The following NOC2L variants were observed in gnomAD, a reference collection of about 807,000 sequenced individuals.
The protein encoded by NOC2L is nucleolar complex protein 2 homolog.
In NOC2L, 101 loss-of-function variants were observed where a neutral mutation model predicts 94.2. That is an observed-to-expected ratio of 1.07 (90% CI 0.91 to 1.26). NOC2L has a LOEUF of 1.26. NOC2L is among the 50% of genes most tolerant of loss of function. NOC2L has a pLI of 0.00. For synonymous variants in NOC2L, 531 were observed against 413.4 expected (o/e 1.28, Z -3.45); for missense variants, 1,076 against 980.1 (o/e 1.10, Z -1.31).
intron 2 of NOC2L, chr1:958,543 C>G: frequency 2.5e-6 from 1 of 407,892 alleles, no homozygotes; most frequent in South Asian, 1.9e-5. Flanking sequence ...AGCCACCGAG[C>G]ACAGCCTCCG....
chr1:950,743 T>G (rs1642237649), intron 12 of NOC2L, among the ~76,000 whole-genome samples: 1 of 152,038 alleles, frequency 6.6e-6, no homozygotes, highest in South Asian at 2.1e-4. Flanking sequence ...CCCACCCAGA[T>G]GTACACACAT....
Position 944,330 on chromosome 1 carries a change from C to CAG in NOC2L, c.*362_*363dup. On this transcript the variant is annotated 3_prime_UTR_variant, in exon 19 of 19. Coordinates refer to ENST00000327044, the MANE Select transcript of NOC2L (RefSeq NM_015658.4). ...TTTCAAAGACTTGGGGGAGTGAAGG[C>CAG]AGAGCCTGGTGCAGATGGACGAGGT... The CAG allele has an allele frequency of 7.2e-7, 1 of 1,382,854 alleles. No homozygotes were observed. Among genetic ancestry groups the CAG allele is most frequent in the Non-Finnish European group, 9.3e-7 (1 of 1,075,644 alleles). The allele number at this position is 1,382,854 out of a possible 1,614,324, so 85.7% of individuals were successfully genotyped here. A position where few individuals can be genotyped will look rare whatever the true frequency, so the allele number is the denominator to read the frequency against.
At chr1:950,323 A>G (rs1642220822) in intron 12 of NOC2L, among the ~76,000 whole-genome samples, 1 of 152,008 alleles carries the variant, frequency 6.6e-6, no homozygotes, top group South Asian at 2.1e-4. Context: ...GCAGACACAC[A>G]TGCATGCACA....
chr1:945,780 A>G (rs1642090434), intron 16 of NOC2L, 127 bp from the exon 17 acceptor site: 1 of 1,187,514 alleles, frequency 8.4e-7, no homozygotes, highest in Admixed American at 2.0e-5. Flanking sequence ...CTCTGTTCCC[A>G]AATCACAAAG....
At chr1:951,929 C>T (rs1642270537) in intron 11 of NOC2L, 71 bp downstream of exon 11, 2 of 1,535,500 alleles carry the variant, frequency 1.3e-6, no homozygotes, top group South Asian at 1.3e-5. Flanking sequence ...GCCAGAGGCA[C>T]CGCCCACACA....
chr1:951,240 TG>T lies in NOC2L; in HGVS notation c.1332-3del. ...TAGAAGCGGGCAGTGGGGATGAGCC[TG>T]GGGGTGGGAAGGCCGAGTGAGCAGA... On this transcript the variant is annotated splice_polypyrimidine_tract_variant and splice_region_variant and intron_variant, in intron 11 of 18. Transcript: ENST00000327044. 6.4e-7 allele frequency: 1 copy of T among 1,574,306 alleles called. No homozygotes were observed. Among genetic ancestry groups the T allele is most frequent in the East Asian group, 2.3e-5 (1 of 42,848 alleles).
chr1:944,842 G>T, intron 18 of NOC2L, 42 bp from the exon 19 acceptor site: 1 of 1,422,166 alleles, frequency 7.0e-7, no homozygotes. Context: ...TGCTTTATCA[G>T]GAAGAAGCCA....
intron 12 of NOC2L, among the ~76,000 whole-genome samples, chr1:949,655 C>G (rs1438898678): frequency 1.3e-5 from 2 of 152,104 alleles, no homozygotes; most frequent in Non-Finnish European, 2.9e-5. Context: ...AGCACGTAGC[C>G]AAGGAGATTG....
chr1:945,770 C>T lies in NOC2L; in HGVS notation c.1918-117G>A. The T allele has an allele frequency of 2.4e-6, 3 of 1,273,630 alleles. No individual in the cohort carries two copies. The South Asian group carries it at 3.9e-5, about 17-fold the overall frequency. The allele number at this position is 1,273,630 out of a possible 1,614,324, so 78.9% of individuals were successfully genotyped here. A position where few individuals can be genotyped will look rare whatever the true frequency, so the allele number is the denominator to read the frequency against. On this transcript the variant is annotated intron_variant, in intron 16 of 18. Transcript: ENST00000327044. ...CCCCATGTGGCCAATTTCTAGTCCC[C>T]TCTGTTCCCAAATCACAAAGCCATC...
chr1:957,294 G>T, intron 2 of NOC2L, 21 bp from the exon 3 acceptor site: 1 of 1,611,210 alleles, frequency 6.2e-7, no homozygotes, highest in Non-Finnish European at 8.5e-7. Flanking sequence ...AGAAGTCAGC[G>T]ACCCCAGTGG....
intron 17 of NOC2L, 105 bp downstream of exon 17, chr1:945,413 G>A (rs940413396): frequency 2.4e-5 from 33 of 1,390,426 alleles, no homozygotes; most frequent in Admixed American, 4.2e-5. Context: ...GCCAGAGACT[G>A]GTGAGCCCCC....
At chr1:952,207 G>A in intron 10 of NOC2L, 68 bp from the exon 11 acceptor site, 3 of 1,560,432 alleles carry the variant, frequency 1.9e-6, no homozygotes, top group Non-Finnish European at 1.8e-6. Flanking sequence ...GTTCCTCCTG[G>A]GCCGGCACAG....
Position 952,157 on chromosome 1 carries a change from C to T in NOC2L, c.1192-18G>A, listed in dbSNP as rs74045020. The T allele has an allele frequency of 4.9e-3, 7,864 of 1,613,038 alleles. 204 individuals are homozygous for T. The African/African-American group carries it at 0.07, about 14-fold the overall frequency. ...TATGTTTCCTGGTCAGAGAGAACCA[C>T]GTCAGCTACTGGCCAGGCTGACAAG... On this transcript the variant is annotated intron_variant, in intron 10 of 18. Coordinates refer to ENST00000327044, the MANE Select transcript of NOC2L (RefSeq NM_015658.4).
At chr1:945,955 TC>T (rs1289386583) in intron 16 of NOC2L, among the ~76,000 whole-genome samples, 1 of 152,172 alleles carries the variant, frequency 6.6e-6, no homozygotes, top group Non-Finnish European at 1.5e-5. Flanking sequence ...GGGCATGGCC[TC>T]CCCAACCTAG....
chr1:954,845 A>G, intron 6 of NOC2L, among the ~76,000 whole-genome samples: 1 of 152,008 alleles, frequency 6.6e-6, no homozygotes, highest in African/African-American at 2.4e-5. Flanking sequence ...AAAACCAAAA[A>G]CCAAACAAAC....
At chr1:957,341 G>T in intron 2 of NOC2L, 68 bp from the exon 3 acceptor site, 1 of 1,495,100 alleles carries the variant, frequency 6.7e-7, no homozygotes. Flanking sequence ...TGGCCTACAG[G>T]GTCAGTCTAC....
chr1:945,243 C>A (rs1291730583), intron 17 of NOC2L, 97 bp from the exon 18 acceptor site: 3 of 1,423,338 alleles, frequency 2.1e-6, no homozygotes, highest in Admixed American at 2.2e-5. Context: ...TCCCAACACC[C>A]TTCCCTCCGC....
chr1:956,216 C>T lies in NOC2L; in HGVS notation c.487-1G>A, dbSNP rs775970317. 2.5e-6 allele frequency: 4 copies of T among 1,613,290 alleles called. No individual in the cohort carries two copies. The highest frequency in any genetic ancestry group is 8.5e-7 in the Non-Finnish European group (1 of 1,179,994). On this transcript the variant is annotated splice_acceptor_variant, in intron 4 of 18. Transcript: ENST00000327044. LOFTEE classifies it high-confidence loss of function. ...GGAACAGCTTTGGAGTGAGGCGTTG[C>T]TGAAGGAGCAAGAGTACCAGGGGCG... is the stretch of plus-strand genomic sequence containing the variant.
At chr1:956,624 G>C (rs1293973169) in intron 4 of NOC2L, among the ~76,000 whole-genome samples, 1 of 152,188 alleles carries the variant, frequency 6.6e-6, no homozygotes, top group African/African-American at 2.4e-5. Context: ...AGAGCCCCTG[G>C]AATCTACCCA....
Sources: gnomAD v4.1 joint callset for allele counts (sites outside exome capture counted in the v4.1 genomes callset) on GRCh38, gnomAD v4.1.1 for gene constraint, MANE v1.5 for transcripts, NCBI Gene and HGNC (gene_info 2026-07-23, HGNC 2026-07-21) for gene names.